Variants in NLRP4 observed in about 807,000 individuals in gnomAD.
The protein encoded by NLRP4 is NACHT, LRR and PYD domains-containing protein 4.
In NLRP4, 44 loss-of-function variants were observed where a neutral mutation model predicts 84.7. That is an observed-to-expected ratio of 0.52 (90% CI 0.41 to 0.67). The LOEUF (loss-of-function observed/expected upper bound fraction) is 0.67, where lower values mean the gene tolerates loss of function less well. Among genes scored for constraint, NLRP4 ranks in the 30% least tolerant of loss-of-function variants. NLRP4 has a pLI of 0.00. For synonymous variants in NLRP4, 544 were observed against 476.4 expected, an observed-to-expected ratio of 1.14 and a Z score of -1.85; for missense variants, 1,260 against 1,219.4, an observed-to-expected ratio of 1.03 and a Z score of -0.50.
chr19:55,860,700 A>G (rs1451703587), intron 3 of NLRP4, among the ~76,000 whole-genome samples: 1 of 152,218 alleles, frequency 6.6e-6, no homozygotes, highest in Non-Finnish European at 1.5e-5. Context: ...TATTTAGGAC[A>G]TGGAGAGTTT....
chr19:55,866,781 G>A (rs1669796935), intron 5 of NLRP4, among the ~76,000 whole-genome samples: 2 of 152,188 alleles, frequency 1.3e-5, no homozygotes, highest in Admixed American at 1.3e-4. Flanking sequence ...CACTAGACAC[G>A]AGTTTGGGGA....
At chr19:55,863,944 T>C (rs76192696) in intron 5 of NLRP4, among the ~76,000 whole-genome samples, 6 of 152,166 alleles carry the variant, frequency 3.9e-5, no homozygotes, top group Admixed American at 6.5e-5. Flanking sequence ...CTAGTCTTTG[T>C]TGGCCATTTT....
In NLRP4 at chr19:55,867,863, C is replaced by T. The variant is rs889054352; in HGVS notation, c.2341C>T (p.Leu781=). 3 of 1,613,938 alleles carry T rather than the reference C, an allele frequency of 1.9e-6. No homozygotes were observed. In the African/African-American group the frequency reaches 4.0e-5, roughly 22 times the overall value. ...AGCCCTGTGCAGCCCAGACACGGTC[C>T]TGGTATACCTGATGTGAGTGGATGT... ...CEALCSPDTV[L]VYLMLAFCHL... Residue 781 remains leucine (L), a synonymous_variant, in exon 6 of 10, where the codon CTG becomes TTG. Coordinates refer to ENST00000301295, the MANE Select transcript of NLRP4 (RefSeq NM_134444.5).
Position 55,870,850 on chromosome 19 carries a change from A to G in NLRP4, c.2378A>G (p.Glu793Gly). The G allele has an allele frequency of 6.2e-7, 1 of 1,613,900 alleles. No individual in the cohort carries two copies. Among genetic ancestry groups the G allele is most frequent in the Non-Finnish European group, 8.5e-7 (1 of 1,179,814 alleles). Residue 793 changes from glutamate to glycine, a missense_variant, in exon 7 of 10, where the codon GAG becomes GGG. By Grantham distance (98) the Glu-to-Gly change is moderately conservative. Coordinates refer to ENST00000301295, the MANE Select transcript of NLRP4 (RefSeq NM_134444.5). ...YLMLAFCHLS[E>G]QCCEYISEML... ...AGGTTGGCTTTCTGCCACCTCAGCGAGCAGTGCTGCGAATACATCTCTGAA... is the reference window on the plus strand; with the variant it reads ...AGGTTGGCTTTCTGCCACCTCAGCGGGCAGTGCTGCGAATACATCTCTGAA...
In NLRP4 at chr19:55,870,779, G is replaced by A. The variant is rs371060928; in HGVS notation, c.2355-48G>A. On this transcript the variant is annotated intron_variant, in intron 6 of 9. Coordinates refer to ENST00000301295, the MANE Select transcript of NLRP4 (RefSeq NM_134444.5). Reference sequence around the variant, plus strand: ...TGTGAAATTAAGCAAATCTCCCTGAGACACCACGTCCCTCTTCACTCTCCT... The same window carrying A: ...TGTGAAATTAAGCAAATCTCCCTGAAACACCACGTCCCTCTTCACTCTCCT... The A allele has an allele frequency of 7.1e-6, 10 of 1,408,830 alleles. No individual in the cohort carries two copies. The Admixed American group carries it at 1.4e-4, about 19-fold the overall frequency. The allele number at this position is 1,408,830 out of a possible 1,614,324, so 87.3% of individuals were successfully genotyped here.
chr19:55,842,971 G>A (rs1487040422), intron 1 of NLRP4, among the ~76,000 whole-genome samples: 1 of 151,078 alleles, frequency 6.6e-6, no homozygotes, highest in Non-Finnish European at 1.5e-5. Context: ...GTGTTAGCCA[G>A]GATGGTCTTG....
chr19:55,881,160 T>TGTGTGTGTGTGTGTGTGTGTAC (rs1425973022), intron 9 of NLRP4, among the ~76,000 whole-genome samples: 1 of 152,006 alleles, frequency 6.6e-6, no homozygotes, highest in Non-Finnish European at 1.5e-5. Context: ...TGTGTGTGTG[T>TGTGTGTGTGTGTGTGTGTGTAC]GTGTGTACCT....
rs1245747352 is a variant in NLRP4 at position 55,840,338 on chromosome 19, ATGTGTATGTGTGTGTG to A, written c.-66+3410_-66+3425del. Among the ~76,000 whole-genome samples, 230 of 137,040 alleles carry A rather than the reference ATGTGTATGTGTGTGTG, an allele frequency of 1.7e-3. 3 individuals are homozygous for A. Among genetic ancestry groups the A allele is most frequent in the African/African-American group, 6.2e-3 (222 of 35,906 alleles). The allele number at this position is 137,040 out of a possible 152,430, so 89.9% of individuals were successfully genotyped here. Reference sequence around the variant, plus strand: ...GGTGTGTGTGTATAGACATATGTGTATGTGTATGTGTGTGTGTGTGTGTGTGTGTGTGTGTGTGTAT... The same window carrying A: ...GGTGTGTGTGTATAGACATATGTGTATGTGTGTGTGTGTGTGTGTGTGTAT... On this transcript the variant is annotated intron_variant, in intron 1 of 9. Transcript: ENST00000301295.
intron 7 of NLRP4, among the ~76,000 whole-genome samples, chr19:55,874,963 A>G (rs1052372379): frequency 3.3e-5 from 5 of 152,236 alleles, no homozygotes; most frequent in African/African-American, 1.2e-4. Context: ...TTGCTTTAAC[A>G]TTAAAAAGAT....
At chr19:55,850,370 C>T (rs1462533948) in intron 1 of NLRP4, among the ~76,000 whole-genome samples, 1 of 53,214 alleles carries the variant, frequency 1.9e-5, no homozygotes, top group East Asian at 5.5e-4. Context: ...GTGTAATTTC[C>T]GAGGCTGCGG....
At chr19:55,860,200 T>C (rs1266997233) in intron 3 of NLRP4, among the ~76,000 whole-genome samples, 1 of 152,024 alleles carries the variant, frequency 6.6e-6, no homozygotes, top group Admixed American at 6.6e-5. Flanking sequence ...TTGGCCAGGA[T>C]GGTCTCGATC....
rs754584223 is a variant in NLRP4, at chr19:55,881,706, T to TG, written c.*121dup. On this transcript the variant is annotated 3_prime_UTR_variant, in exon 10 of 10. Transcript: ENST00000301295. ...TTGATACTCTGAGTTGTGAGATTTCTGGCACCCCATTCATAGATTTGATAT... is the reference window on the plus strand; with the variant it reads ...TTGATACTCTGAGTTGTGAGATTTCTGGGCACCCCATTCATAGATTTGATAT... 2 of 594,144 alleles carry TG rather than the reference T, an allele frequency of 3.4e-6. No homozygotes were observed. The highest frequency in any genetic ancestry group is 6.0e-6 in the Non-Finnish European group (2 of 331,236). 36.8% of individuals were successfully genotyped at this position (594,144 alleles called of 1,614,324 possible). A position where few individuals can be genotyped will look rare whatever the true frequency, so the allele number is the denominator to read the frequency against.
Position 55,858,926 on chromosome 19 carries a change from A to G in NLRP4, c.1533A>G (p.Glu511=). The G allele has an allele frequency of 6.2e-7, 1 of 1,614,140 alleles. No individual in the cohort carries two copies. The highest frequency in any genetic ancestry group is 8.5e-7 in the Non-Finnish European group (1 of 1,179,980). ...TAACTGGCCTTTTAAATAAAAAGGA[A>G]CAAGAAAAACTGGATGCGTTTTTTG... ...CFLTGLLNKK[E]QEKLDAFFGF... is the part of the protein sequence containing the mutation. Residue 511 remains glutamate (E), a synonymous_variant, in exon 3 of 10, where the codon GAA becomes GAG. Coordinates refer to ENST00000301295, the MANE Select transcript of NLRP4 (RefSeq NM_134444.5). The surrounding 1 kb of genome is among the most constrained non-coding windows in gnomAD (Gnocchi z 4.2).
chr19:55,873,120 C>G (rs1472037992), intron 7 of NLRP4, among the ~76,000 whole-genome samples: 1 of 152,124 alleles, frequency 6.6e-6, no homozygotes, highest in African/African-American at 2.4e-5. Context: ...TTCTTACCAC[C>G]AGATCCTTCC....
In NLRP4 at chr19:55,873,425, T is replaced by G. The variant is rs76655129; in HGVS notation, c.2525+2428T>G. ...CAAAAATTGAACAGGTAAGAAAATA[T>G]GAAACAAGATATATATTTGAATTCA... On this transcript the variant is annotated intron_variant, in intron 7 of 9. Coordinates refer to ENST00000301295, the MANE Select transcript of NLRP4 (RefSeq NM_134444.5). Among the ~76,000 whole-genome samples the G allele has an allele frequency of 6.6e-3, 999 of 152,234 alleles. 14 individuals are homozygous for G. Among genetic ancestry groups the G allele is most frequent in the African/African-American group, 0.021 (884 of 41,566 alleles).
intron 1 of NLRP4, among the ~76,000 whole-genome samples, chr19:55,839,144 G>A (rs553704679): frequency 1.3e-5 from 2 of 151,804 alleles, no homozygotes; most frequent in African/African-American, 4.8e-5. Flanking sequence ...CCTCACCCAC[G>A]GGCCTCAGTG....
rs1164876158 is a variant in NLRP4, at chr19:55,850,030, C to T, written c.-65-1986C>T. Among the ~76,000 whole-genome samples the T allele has an allele frequency of 3.5e-5, 5 of 141,000 alleles. 1 individual carries two copies. The highest frequency in any genetic ancestry group is 1.2e-4 in the African/African-American group (4 of 34,314). 92.5% of individuals were successfully genotyped at this position (141,000 alleles called of 152,430 possible). A position where few individuals can be genotyped will look rare whatever the true frequency, so the allele number is the denominator to read the frequency against. On this transcript the variant is annotated intron_variant, in intron 1 of 9. Transcript: ENST00000301295. ...ATTTCCGAGACTGCGGTGTGATTTC[C>T]GAGACTGCGGTGTGATTTCCGTAGC...
chr19:55,870,780 A>G (rs753377870), intron 6 of NLRP4, 47 bp from the exon 7 acceptor site: 8 of 1,418,102 alleles, frequency 5.6e-6, no homozygotes, highest in Non-Finnish European at 7.0e-6. Flanking sequence ...TCTCCCTGAG[A>G]CACCACGTCC....
At position 55,858,274 on chromosome 19, in the gene NLRP4, C is replaced by T; in HGVS notation, c.881C>T (p.Ser294Leu). The change falls in exon 3 of 10, where the codon TCA (serine) becomes TTA (leucine). Residue 294 changes from serine (S) to leucine (L), a missense_variant. Physicochemically the swap from Ser to Leu is moderately radical, Grantham distance 145. Around this residue, in one of 3 missense-constraint regions of NLRP4, gnomAD observed 712 missense variants for 669.2 expected, o/e 1.06. Transcript: ENST00000301295. This position sits in a 1 kb window ranked among gnomAD's most constrained non-coding sequence, Gnocchi z 4.2. Reference sequence around the variant, plus strand: ...GAGCTCCGGGATCAGGTGACGATCTCAGAAATCTACCAGCCCCGGGGATTC... The same window carrying T: ...GAGCTCCGGGATCAGGTGACGATCTTAGAAATCTACCAGCCCCGGGGATTC... Reference protein sequence around the residue: ...PKELRDQVTISEIYQPRGFNE... With the variant: ...PKELRDQVTILEIYQPRGFNE... 6.2e-7 allele frequency: 1 copy of T among 1,614,184 alleles called. No individual in the cohort carries two copies. Among genetic ancestry groups the T allele is most frequent in the South Asian group, 1.1e-5 (1 of 91,084 alleles).
Sources: gnomAD v4.1 joint callset for allele counts (sites outside exome capture counted in the v4.1 genomes callset) on GRCh38, gnomAD v4.1.1 for gene constraint, gnomAD v4.1.1 regional missense constraint, Gnocchi (gnomAD v3.1) non-coding constraint, MANE v1.5 for transcripts, NCBI Gene and HGNC (gene_info 2026-07-23, HGNC 2026-07-21) for gene names.